Variants in JAG1 observed in about 807,000 individuals in gnomAD.
JAG1 encodes jagged canonical Notch ligand 1.
In JAG1, 23 loss-of-function variants were observed where a neutral mutation model predicts 148.7. The observed-to-expected ratio is 0.15, with a 90% CI of 0.11 to 0.22. The LOEUF (loss-of-function observed/expected upper bound fraction) is 0.22, where lower values mean the gene tolerates loss of function less well. Ranked by LOEUF, JAG1 falls within the 10% of genes least tolerant of loss-of-function variation. JAG1 has a pLI of 1.00. For missense variants in JAG1, 1,054 were observed against 1,611.2 expected (o/e 0.65, Z 5.92); for synonymous variants, 572 against 598.3 (o/e 0.96, Z 0.64).
intron 3 of JAG1, among the ~76,000 whole-genome samples, chr20:10,662,686 T>C (rs1430615525): frequency 6.6e-6 from 1 of 152,108 alleles, no homozygotes; most frequent in Non-Finnish European, 1.5e-5. Flanking sequence ...AACAGGTGTC[T>C]ATGACCCTGA....
intron 3 of JAG1, 64 bp from the exon 4 acceptor site, chr20:10,658,786 G>A (rs2067395238): frequency 6.3e-7 from 1 of 1,588,180 alleles, no homozygotes; most frequent in African/African-American, 1.3e-5. Flanking sequence ...GACCATTTTG[G>A]CTTTTTAAAA....
At chr20:10,669,296 G>A (rs2067478623) in intron 2 of JAG1, among the ~76,000 whole-genome samples, 3 of 151,666 alleles carry the variant, frequency 2.0e-5, no homozygotes, top group Admixed American at 2.0e-4. Context: ...TGACTACACG[G>A]GCAGGATGCA....
intron 14 of JAG1, 127 bp from the exon 15 acceptor site, chr20:10,646,211 T>C: frequency 1.4e-6 from 1 of 715,216 alleles, no homozygotes; most frequent in Non-Finnish European, 2.5e-6. Context: ...CTACCCTCCA[T>C]CAGGGCTGTT....
At chr20:10,661,593 C>T (rs1026161030) in intron 3 of JAG1, among the ~76,000 whole-genome samples, 1 of 152,192 alleles carries the variant, frequency 6.6e-6, no homozygotes, top group Non-Finnish European at 1.5e-5. Context: ...CAAAGCTGGG[C>T]TGCACAGAGC....
Position 10,673,522 on chromosome 20 carries a change from G to T in JAG1, c.9C>A (p.Ser3=). The stretch of plus-strand genomic sequence containing the variant: ...GCCCGGACCGGCCGCGCGTCCGTGG[G>T]GAACGCATCGCTGCGCCGCGCGCCG... MR[S]PRTRGRSGRP... is the part of the protein sequence containing the mutation. The change falls in exon 1 of 26, where the codon TCC becomes TCA. Residue 3 remains serine (S), a synonymous_variant. Coordinates refer to ENST00000254958, the MANE Select transcript of JAG1 (RefSeq NM_000214.3). The surrounding 1 kb of genome is among the most constrained non-coding windows in gnomAD (Gnocchi z 4.7). 1 of 1,253,702 alleles carries T rather than the reference G, an allele frequency of 8.0e-7. No homozygotes were observed. The highest frequency in any genetic ancestry group is 1.0e-6 in the Non-Finnish European group (1 of 992,304). The allele number at this position is 1,253,702 out of a possible 1,614,324, so 77.7% of individuals were successfully genotyped here.
At chr20:10,642,427 G>A (rs1600179767) in intron 21 of JAG1, 61 bp downstream of exon 21, 2 of 943,460 alleles carry the variant, frequency 2.1e-6, no homozygotes, top group East Asian at 2.4e-5. Context: ...AAGTCAAATG[G>A]TGACTGCAAA....
chr20:10,655,650 T>TC (rs1397795757), intron 5 of JAG1, among the ~76,000 whole-genome samples: 2 of 152,144 alleles, frequency 1.3e-5, no homozygotes, highest in Admixed American at 6.5e-5. Flanking sequence ...TTAGCGTTAC[T>TC]CCTTAAAATT....
At chr20:10,652,664 A>G in intron 5 of JAG1, 66 bp from the exon 6 acceptor site, 1 of 1,577,556 alleles carries the variant, frequency 6.3e-7, no homozygotes, top group Non-Finnish European at 8.7e-7. Context: ...TACAATTCAA[A>G]TGGAAGACTG....
intron 2 of JAG1, among the ~76,000 whole-genome samples, chr20:10,668,725 A>G (rs184411418): frequency 6.6e-6 from 1 of 150,974 alleles, no homozygotes; most frequent in African/African-American, 2.4e-5. Context: ...CACGTCTTCT[A>G]TCTAAAAGGT....
chr20:10,657,253 G>C (rs1449090864), intron 4 of JAG1, among the ~76,000 whole-genome samples: 1 of 151,650 alleles, frequency 6.6e-6, no homozygotes, highest in Non-Finnish European at 1.5e-5. Flanking sequence ...CCAGCTACTT[G>C]GGAGGCTGAG....
intron 2 of JAG1, among the ~76,000 whole-genome samples, chr20:10,671,101 C>G (rs1418293331): frequency 2.6e-5 from 4 of 152,182 alleles, no homozygotes; most frequent in African/African-American, 9.7e-5. Flanking sequence ...GCGAGGGGCT[C>G]CAGACAGATC....
In JAG1 at chr20:10,673,101, G is replaced by T; in HGVS notation, c.82-95C>A. Reference sequence around the variant, plus strand: ...TCCCTCCCACTCCCCGCCCCGACGAGCCCTCCTCGCCGAGTGAAAATAATT... The same window carrying T: ...TCCCTCCCACTCCCCGCCCCGACGATCCCTCCTCGCCGAGTGAAAATAATT... On this transcript the variant is annotated intron_variant, in intron 1 of 25. Coordinates refer to ENST00000254958, the MANE Select transcript of JAG1 (RefSeq NM_000214.3). This position sits in a 1 kb window ranked among gnomAD's most constrained non-coding sequence, Gnocchi z 4.7. 1 of 1,124,338 alleles carries T rather than the reference G, an allele frequency of 8.9e-7. No individual in the cohort carries two copies. Among genetic ancestry groups the T allele is most frequent in the Non-Finnish European group, 1.3e-6 (1 of 761,650 alleles). 69.6% of individuals were successfully genotyped at this position (1,124,338 alleles called of 1,614,324 possible). A position where few individuals can be genotyped will look rare whatever the true frequency, so the allele number is the denominator to read the frequency against.
rs771331911 is a variant in JAG1 at position 10,645,310 on chromosome 20, G to A, written c.2113+46C>T. On this transcript the variant is annotated intron_variant, in intron 16 of 25. Transcript: ENST00000254958. The surrounding 1 kb of genome is among the most constrained non-coding windows in gnomAD (Gnocchi z 6.1). ...CAGTGGCCCCCTCCCACAGAAGACA[G>A]AGGGAAGGGTCCCAGAGATAGCATC... 2 of 1,606,022 alleles carry A rather than the reference G, an allele frequency of 1.2e-6. No homozygotes were observed. Among genetic ancestry groups the A allele is most frequent in the South Asian group, 1.1e-5 (1 of 90,924 alleles).
Position 10,641,702 on chromosome 20 carries a change from A to G in JAG1, c.2683-9T>C. The G allele has an allele frequency of 6.2e-7, 1 of 1,613,834 alleles. No homozygotes were observed. Among genetic ancestry groups the G allele is most frequent in the Middle Eastern group, 1.6e-4 (1 of 6,062 alleles). Reference sequence around the variant, plus strand: ...CGAGGGCCACACCAGACCTGGAGAAAAACAGAAGCTGGCAGCTTAGCAGGC... The same window carrying G: ...CGAGGGCCACACCAGACCTGGAGAAGAACAGAAGCTGGCAGCTTAGCAGGC... On this transcript the variant is annotated splice_polypyrimidine_tract_variant and intron_variant, in intron 22 of 25. Transcript: ENST00000254958.
At chr20:10,664,373 A>AACACACACACACACACAC (rs59417356) in intron 2 of JAG1, among the ~76,000 whole-genome samples, 34 of 144,682 alleles carry the variant, frequency 2.3e-4, no homozygotes, top group South Asian at 4.5e-4. Flanking sequence ...TGCATGAGGA[A>AACACACACACACACACAC]ACACACACAC....
intron 2 of JAG1, among the ~76,000 whole-genome samples, chr20:10,671,154 A>C (rs1422071701): frequency 6.6e-6 from 1 of 152,152 alleles, no homozygotes; most frequent in Non-Finnish European, 1.5e-5. Flanking sequence ...CCTTCCCCCT[A>C]AACTCCAAAC....
Position 10,640,804 on chromosome 20 carries a change from G to T in JAG1, c.3178C>A (p.Arg1060=), listed in dbSNP as rs760992773. The change falls in exon 25 of 26, where the codon CGG becomes AGG. Residue 1060 remains arginine (R), a synonymous_variant. Coordinates refer to ENST00000254958, the MANE Select transcript of JAG1 (RefSeq NM_000214.3). ...CTACCTGTTCTGTTCTTCAGAGGCC[G>T]CCTCTGAACTCTTACTTCTGCAACG... The part of the protein sequence containing the change: ...AAVAEVRVQR[R]PLKNRTDFLV... 12 of 1,614,146 alleles carry T rather than the reference G, an allele frequency of 7.4e-6. No individual in the cohort carries two copies. Among genetic ancestry groups the T allele is most frequent in the Non-Finnish European group, 9.3e-6 (11 of 1,180,020 alleles).
chr20:10,655,908 G>A (rs964980837), intron 5 of JAG1, among the ~76,000 whole-genome samples: 2 of 152,120 alleles, frequency 1.3e-5, no homozygotes, highest in Non-Finnish European at 2.9e-5. Flanking sequence ...AGATTCCAGG[G>A]CAGCCATTAA....
At chr20:10,661,650 C>T (rs1321601810) in intron 3 of JAG1, among the ~76,000 whole-genome samples, 1 of 152,130 alleles carries the variant, frequency 6.6e-6, no homozygotes, top group Non-Finnish European at 1.5e-5. Context: ...AGAAGGCCAC[C>T]AAGTGGTTGG....
Sources: gnomAD v4.1 joint callset for allele counts (sites outside exome capture counted in the v4.1 genomes callset) on GRCh38, gnomAD v4.1.1 for gene constraint, Gnocchi (gnomAD v3.1) non-coding constraint, MANE v1.5 for transcripts, NCBI Gene and HGNC (gene_info 2026-07-23, HGNC 2026-07-21) for gene names.